Variants in SRFBP1 observed in about 807,000 individuals in gnomAD.
SRFBP1 encodes the protein serum response factor-binding protein 1.
SRFBP1 carries 47 observed loss-of-function variants against 45.5 expected under a neutral mutation model. The ratio of observed to expected loss-of-function variants is 1.03; its 90% CI spans 0.82 to 1.32. The LOEUF (loss-of-function observed/expected upper bound fraction) is 1.32, where lower values mean the gene tolerates loss of function less well. SRFBP1 is among the 40% of genes most tolerant of loss of function. The pLI, the probability that SRFBP1 is intolerant of heterozygous loss-of-function variation, is 0.00. For synonymous variants in SRFBP1, 203 were observed against 166.3 expected, an observed-to-expected ratio of 1.22 and a Z score of -1.70; for missense variants, 621 against 484.6, an observed-to-expected ratio of 1.28 and a Z score of -2.64.
intron 1 of SRFBP1, 32 bp downstream of exon 1, chr5:121,962,100 T>C: frequency 6.2e-7 from 1 of 1,613,512 alleles, no homozygotes; most frequent in Admixed American, 1.7e-5. Flanking sequence ...GGGCTGACTT[T>C]AAGGGTCCTC....
chr5:122,011,577 C>T (rs140090531), intron 4 of SRFBP1, among the ~76,000 whole-genome samples: 21 of 152,238 alleles, frequency 1.4e-4, no homozygotes, highest in African/African-American at 5.1e-4. Flanking sequence ...CATTTTCTAT[C>T]TCACCTATGA....
chr5:122,013,411 T>C (rs1753134478), intron 4 of SRFBP1, among the ~76,000 whole-genome samples: 1 of 152,050 alleles, frequency 6.6e-6, no homozygotes, highest in Admixed American at 6.6e-5. Context: ...CAGCACATAC[T>C]TCAAAGACAT....
intron 2 of SRFBP1, among the ~76,000 whole-genome samples, chr5:122,071,939 A>T (rs1349996030): frequency 6.6e-6 from 1 of 152,162 alleles, no homozygotes; most frequent in Non-Finnish European, 1.5e-5. Flanking sequence ...AGTGAGACTC[A>T]TATTCTGTTG....
At chr5:121,992,756 C>T (rs1428107093) in intron 3 of SRFBP1, among the ~76,000 whole-genome samples, 1 of 152,004 alleles carries the variant, frequency 6.6e-6, no homozygotes, top group Non-Finnish European at 1.5e-5. Context: ...CACTTATTAG[C>T]CCATTTTAGA....
intron 2 of SRFBP1, among the ~76,000 whole-genome samples, chr5:122,062,046 A>G (rs1033607062): frequency 2.6e-5 from 4 of 151,960 alleles, no homozygotes; most frequent in Admixed American, 2.0e-4. Context: ...GACAAAACAA[A>G]TTTAAGAAAC....
At chr5:122,055,014 C>T (rs1718502081) in intron 2 of SRFBP1, among the ~76,000 whole-genome samples, 1 of 152,218 alleles carries the variant, frequency 6.6e-6, no homozygotes, top group Admixed American at 6.5e-5. Flanking sequence ...CTTGAATAAA[C>T]TTTGCTGTTG....
intron 4 of SRFBP1, among the ~76,000 whole-genome samples, chr5:122,008,076 T>C (rs79290432): frequency 0.044 from 6,743 of 152,140 alleles, 173 homozygotes; most frequent in African/African-American, 0.06. Flanking sequence ...AGTCTGAATG[T>C]ACTATCCTGG....
chr5:122,077,600 T>C, downstream of SRFBP1: 1 of 1,612,420 alleles, frequency 6.2e-7, no homozygotes, highest in Non-Finnish European at 8.5e-7. This position sits in a 1 kb window ranked among gnomAD's most constrained non-coding sequence, Gnocchi z 4.9. Context: ...AGATGTCGAG[T>C]AGCCAGCTTG....
At chr5:121,981,680 C>T (rs1752409946) in intron 3 of SRFBP1, among the ~76,000 whole-genome samples, 1 of 151,506 alleles carries the variant, frequency 6.6e-6, no homozygotes. Flanking sequence ...TTTACTCTTC[C>T]TTCAACACCT....
chr5:122,070,449 TTG>T, intron 2 of SRFBP1: 1 of 1,069,686 alleles, frequency 9.3e-7, no homozygotes, highest in Non-Finnish European at 1.4e-6. Flanking sequence ...AGAGGGCCTA[TTG>T]ATCTGCAATA....
intron 7 of SRFBP1, among the ~76,000 whole-genome samples, chr5:122,025,994 G>T (rs540742068): frequency 2.4e-4 from 36 of 152,280 alleles, no homozygotes; most frequent in Admixed American, 1.2e-3. Context: ...GGAGGCTGAG[G>T]CAGGAGAATT....
At chr5:122,077,091 C>T, downstream of SRFBP1, 2 of 1,542,810 alleles carry the variant, frequency 1.3e-6, no homozygotes, top group Non-Finnish European at 1.7e-6. This position sits in a 1 kb window ranked among gnomAD's most constrained non-coding sequence, Gnocchi z 4.9. Context: ...TTACTCCTCA[C>T]CCTTCGCCCA....
chr5:122,051,391 G>A (rs1230637146), intron 2 of SRFBP1, among the ~76,000 whole-genome samples: 1 of 151,836 alleles, frequency 6.6e-6, no homozygotes, highest in Non-Finnish European at 1.5e-5. Flanking sequence ...GGGAATCTAA[G>A]TCTTTGTAGG....
At chr5:122,070,426 T>C in intron 2 of SRFBP1, 1 of 841,562 alleles carries the variant, frequency 1.2e-6, no homozygotes, top group Non-Finnish European at 2.0e-6. Flanking sequence ...TATTTAACAT[T>C]TGAATCCAGA....
rs564491739 is a variant in SRFBP1, at chr5:122,070,310, G to C, written n.312-5005G>C. 48 of 657,814 alleles carry C rather than the reference G, an allele frequency of 7.3e-5. No homozygotes were observed. In the Admixed American group the frequency reaches 1.3e-3, roughly 17 times the overall value. 40.7% of individuals were successfully genotyped at this position (657,814 alleles called of 1,614,324 possible). On this transcript the variant is annotated intron_variant and non_coding_transcript_variant, in intron 2 of 2. Transcript: ENST00000504881. Reference sequence around the variant, plus strand: ...TTAAACTCTGGAGACGTTATGGAAAGAGACTGCATATTTTCCCCTGAAGTT... The same window carrying C: ...TTAAACTCTGGAGACGTTATGGAAACAGACTGCATATTTTCCCCTGAAGTT...
At chr5:121,968,515 G>GT (rs1752121145) in intron 1 of SRFBP1, among the ~76,000 whole-genome samples, 1 of 152,136 alleles carries the variant, frequency 6.6e-6, no homozygotes, top group South Asian at 2.1e-4. Flanking sequence ...TTTTATCCAT[G>GT]TAATACCTAC....
intron 2 of SRFBP1, chr5:122,069,851 GA>G (rs1754399715): frequency 3.5e-6 from 2 of 571,634 alleles, no homozygotes; most frequent in East Asian, 7.4e-5. Flanking sequence ...AGCTTCTCCT[GA>G]AAACTAAAAA....
At chr5:122,011,872 A>G (rs1401911498) in intron 4 of SRFBP1, among the ~76,000 whole-genome samples, 2 of 152,102 alleles carry the variant, frequency 1.3e-5, no homozygotes, top group East Asian at 3.9e-4. Flanking sequence ...ATCTCAGTGC[A>G]ACAGAGACCC....
At chr5:122,014,809 T>G (rs533908621) in intron 4 of SRFBP1, among the ~76,000 whole-genome samples, 1 of 152,328 alleles carries the variant, frequency 6.6e-6, no homozygotes, top group African/African-American at 2.4e-5. Context: ...ACCACTGCTC[T>G]TCTAAAACTT....
Sources: gnomAD v4.1 joint callset for allele counts (sites outside exome capture counted in the v4.1 genomes callset) on GRCh38, gnomAD v4.1.1 for gene constraint, Gnocchi (gnomAD v3.1) non-coding constraint, MANE v1.5 for transcripts, NCBI Gene and HGNC (gene_info 2026-07-23, HGNC 2026-07-21) for gene names.